The following PTPRU variants were observed in gnomAD, a reference collection of about 807,000 sequenced individuals.
PTPRU encodes the protein protein tyrosine phosphatase receptor type U.
In PTPRU, 69 loss-of-function variants were observed where a neutral mutation model predicts 166.3. The ratio of observed to expected loss-of-function variants is 0.41; its 90% CI spans 0.34 to 0.51. The LOEUF (loss-of-function observed/expected upper bound fraction) is 0.51. PTPRU is among the 20% of genes least tolerant of loss of function. The pLI, the probability that PTPRU is intolerant of heterozygous loss-of-function variation, is 0.09. For synonymous variants in PTPRU, 793 were observed against 814.0 expected, an observed-to-expected ratio of 0.97 and a Z score of 0.44; for missense variants, 1,657 against 2,013.7, an observed-to-expected ratio of 0.82 and a Z score of 3.39.
intron 8 of PTPRU, among the ~76,000 whole-genome samples, chr1:29,277,800 A>ATTTTT (rs1478190246): frequency 9.4e-4 from 39 of 41,642 alleles, no homozygotes; most frequent in Non-Finnish European, 1.2e-3. Flanking sequence ...CACAGTTGTC[A>ATTTTT]TTCTTTTTTT....
chr1:29,278,841 C>G (rs1685931437), intron 8 of PTPRU, among the ~76,000 whole-genome samples, 171 bp from the exon 9 acceptor site: 1 of 152,230 alleles, frequency 6.6e-6, no homozygotes, highest in African/African-American at 2.4e-5. Context: ...CATTTGAGTC[C>G]TGGCTTGAGA....
At chr1:29,240,214 T>C (rs1313536464) in intron 1 of PTPRU, among the ~76,000 whole-genome samples, 1 of 151,214 alleles carries the variant, frequency 6.6e-6, no homozygotes, top group Non-Finnish European at 1.5e-5. Context: ...TGATGCCCTG[T>C]CCTAGCCTAG....
chr1:29,315,555 A>C lies in PTPRU; in HGVS notation c.3363+48A>C, dbSNP rs781647293. On this transcript the variant is annotated intron_variant, in intron 23 of 29. Transcript: ENST00000373779. This position sits in a 1 kb window ranked among gnomAD's most constrained non-coding sequence, Gnocchi z 4.5. Reference sequence around the variant, plus strand: ...CCACCATTATTACTTCTAGGACTGGAGTTTCTCGTGAAGGATCCTGGAGCC... The same window carrying C: ...CCACCATTATTACTTCTAGGACTGGCGTTTCTCGTGAAGGATCCTGGAGCC... 3.7e-6 allele frequency: 6 copies of C among 1,610,626 alleles called. No individual in the cohort carries two copies. Among genetic ancestry groups the C allele is most frequent in the Non-Finnish European group, 5.1e-6 (6 of 1,177,670 alleles).
intron 26 of PTPRU, among the ~76,000 whole-genome samples, chr1:29,322,051 C>T (rs532496034): frequency 1.3e-5 from 2 of 152,344 alleles, no homozygotes; most frequent in African/African-American, 4.8e-5. Flanking sequence ...TTCTTAATGG[C>T]CTCCTTGAGA....
chr1:29,305,245 T>C (rs1032841839), intron 17 of PTPRU, 107 bp from the exon 18 acceptor site: 4 of 1,082,776 alleles, frequency 3.7e-6, no homozygotes, highest in Non-Finnish European at 5.6e-6. Context: ...CTAGGTTCCC[T>C]GGCTGCCCTG....
intron 22 of PTPRU, among the ~76,000 whole-genome samples, chr1:29,314,122 A>G (rs907171234): frequency 6.6e-6 from 1 of 152,204 alleles, no homozygotes; most frequent in Admixed American, 6.5e-5. Flanking sequence ...CATCAAGTGA[A>G]TAAATGACAG....
chr1:29,259,457 C>T lies in PTPRU; in HGVS notation c.568C>T (p.Pro190Ser), dbSNP rs1291493083. The change falls in exon 5 of 30, where the codon CCA becomes TCA. Residue 190 changes from proline to serine, a missense_variant. Physicochemically the swap from Pro to Ser is moderately conservative, Grantham distance 74. Around this residue, in one of 3 missense-constraint regions of PTPRU, gnomAD observed 453 missense variants for 496.9 expected, o/e 0.91. Coordinates refer to ENST00000373779, the MANE Select transcript of PTPRU (RefSeq NM_133178.4). ...LLLSYPCAKAPHFSRLGDVEV... is the reference protein window; with the variant it reads ...LLLSYPCAKASHFSRLGDVEV... The stretch of plus-strand genomic sequence containing the variant: ...CAGCTCTAACCCCGCAGCAAAGGCC[C>T]CACACTTCTCCCGCCTGGGCGACGT... 1.1e-5 allele frequency: 18 copies of T among 1,611,438 alleles called. No homozygotes were observed. In the South Asian group the frequency reaches 1.9e-4, roughly 17 times the overall value.
intron 7 of PTPRU, among the ~76,000 whole-genome samples, chr1:29,273,198 A>ATG (rs1685646143): frequency 6.6e-6 from 1 of 152,230 alleles, no homozygotes; most frequent in Non-Finnish European, 1.5e-5. Context: ...CAGCTGGTCA[A>ATG]TGCAGATGCA....
rs747140772 is a variant in PTPRU, at chr1:29,259,332, C to T, written c.549C>T (p.Ser183=). The change falls in exon 4 of 30, where the codon AGC becomes AGT. Residue 183 remains serine, a synonymous_variant. Transcript: ENST00000373779. ...YMGLDDILLL[S]YPCAKAPHFS... ...GCCTAGATGACATCCTGCTTCTCAG[C>T]TACCCCTGCGGTGAGTCCCAGCCCA... is the stretch of plus-strand genomic sequence containing the variant. 4.3e-6 allele frequency: 7 copies of T among 1,613,916 alleles called. No homozygotes were observed. The highest frequency in any genetic ancestry group is 5.9e-6 in the Non-Finnish European group (7 of 1,179,954).
chr1:29,291,183 G>A lies in PTPRU; in HGVS notation c.2319-686G>A, dbSNP rs1686611531. 2.0e-5 allele frequency among the ~76,000 whole-genome samples: 3 copies of A among 152,056 alleles called. 1 individual carries two copies. The South Asian group carries it at 6.2e-4, about 32-fold the overall frequency. Reference sequence around the variant, plus strand: ...TCCCTGCTGCTCTGAGCAGCAGGACGGACTGGTGGGCAGTGGTGGGAATCT... The same window carrying A: ...TCCCTGCTGCTCTGAGCAGCAGGACAGACTGGTGGGCAGTGGTGGGAATCT... On this transcript the variant is annotated intron_variant, in intron 14 of 29. Transcript: ENST00000373779. The surrounding 1 kb of genome is among the most constrained non-coding windows in gnomAD (Gnocchi z 4.1).
chr1:29,274,653 A>C (rs988870625), intron 7 of PTPRU, among the ~76,000 whole-genome samples: 1 of 152,202 alleles, frequency 6.6e-6, no homozygotes, highest in Non-Finnish European at 1.5e-5. Context: ...TTTCAGAACA[A>C]GTTTGGAATT....
rs758786587 is a variant in PTPRU at position 29,275,583 on chromosome 1, T to C, written c.1280T>C (p.Leu427Pro). The C allele has an allele frequency of 1.9e-6, 3 of 1,613,808 alleles. No individual in the cohort carries two copies. The highest frequency in any genetic ancestry group is 1.7e-6 in the Non-Finnish European group (2 of 1,179,942). The change falls in exon 8 of 30, where the codon CTG becomes CCG. Residue 427 changes from leucine to proline, a missense_variant. Leu to Pro is a moderately conservative substitution (Grantham distance 98). Coordinates refer to ENST00000373779, the MANE Select transcript of PTPRU (RefSeq NM_133178.4). ...YTVSLCYHYTLGSSHNQTIRE... is the reference protein window; with the variant it reads ...YTVSLCYHYTPGSSHNQTIRE... ...GTGTCGCTGTGCTATCACTACACCCTGGGCAGCAGCCACAACCAGACCATC... is the reference window on the plus strand; with the variant it reads ...GTGTCGCTGTGCTATCACTACACCCCGGGCAGCAGCCACAACCAGACCATC...
chr1:29,263,811 G>A (rs1685173057), intron 7 of PTPRU, among the ~76,000 whole-genome samples: 1 of 152,106 alleles, frequency 6.6e-6, no homozygotes, highest in Non-Finnish European at 1.5e-5. Flanking sequence ...TGTCTTCAGA[G>A]TGTTAAAAAT....
At chr1:29,262,261 C>T (rs566816843) in intron 7 of PTPRU, among the ~76,000 whole-genome samples, 6 of 152,322 alleles carry the variant, frequency 3.9e-5, no homozygotes, top group Non-Finnish European at 8.8e-5. Context: ...TGAATGAAAT[C>T]AGAGTATATA....
chr1:29,260,736 T>C lies in PTPRU; in HGVS notation c.977T>C (p.Met326Thr), dbSNP rs1367530117. 5.6e-6 allele frequency: 9 copies of C among 1,610,428 alleles called. No homozygotes were observed. The South Asian group carries it at 9.9e-5, about 18-fold the overall frequency. The change falls in exon 7 of 30, where the codon ATG (methionine) becomes ACG (threonine). Residue 326 changes from methionine to threonine, a missense_variant. This residue lies in a region of PTPRU where 453 missense variants were observed against 496.9 expected (regional missense o/e 0.91). Coordinates refer to ENST00000373779, the MANE Select transcript of PTPRU (RefSeq NM_133178.4). The surrounding 1 kb of genome is among the most constrained non-coding windows in gnomAD (Gnocchi z 8.3). ...GTGCGCAAGGAGATTGAGTACCGCATGGCGCGCGGGCCCTGGGCTGAGGTG... is the reference window on the plus strand; with the variant it reads ...GTGCGCAAGGAGATTGAGTACCGCACGGCGCGCGGGCCCTGGGCTGAGGTG... ...PIVRKEIEYR[M>T]ARGPWAEVHA...
intron 18 of PTPRU, chr1:29,307,291 C>CCATTTCAG (rs1687437250): frequency 8.7e-7 from 1 of 1,152,644 alleles, no homozygotes; most frequent in Non-Finnish European, 1.3e-6. Context: ...CACCAACCGT[C>CCATTTCAG]CATTTCAGCA....
rs1250788761 is a variant in PTPRU, at chr1:29,311,801, G to A, written c.3072+42G>A. The A allele has an allele frequency of 1.5e-5, 23 of 1,577,138 alleles. No homozygotes were observed. Among genetic ancestry groups the A allele is most frequent in the Non-Finnish European group, 2.0e-5 (23 of 1,151,194 alleles). ...CCTGTTCCCTGCAGAGGGTGCCTGA[G>A]CAGGGATTAGAGCCCACTCCCACTT... On this transcript the variant is annotated intron_variant, in intron 21 of 29. Transcript: ENST00000373779. This position sits in a 1 kb window ranked among gnomAD's most constrained non-coding sequence, Gnocchi z 4.1.
chr1:29,250,025 A>C (rs1684480003), intron 1 of PTPRU, among the ~76,000 whole-genome samples: 1 of 148,604 alleles, frequency 6.7e-6, no homozygotes, highest in South Asian at 2.2e-4. Flanking sequence ...GTGTTTATTG[A>C]CCACCTTGCT....
Position 29,323,357 on chromosome 1 carries a change from G to T in PTPRU, c.3829-14G>T, listed in dbSNP as rs776630726. On this transcript the variant is annotated splice_polypyrimidine_tract_variant and intron_variant, in intron 26 of 29. Coordinates refer to ENST00000373779, the MANE Select transcript of PTPRU (RefSeq NM_133178.4). ...GGCTCTACTCAGCTCTCCCCTCTCCGTGCTTATGCCCAGCCCTGCCTGCAG... is the reference window on the plus strand; with the variant it reads ...GGCTCTACTCAGCTCTCCCCTCTCCTTGCTTATGCCCAGCCCTGCCTGCAG... 1 of 1,603,220 alleles carries T rather than the reference G, an allele frequency of 6.2e-7. No homozygotes were observed. Among genetic ancestry groups the T allele is most frequent in the African/African-American group, 1.3e-5 (1 of 74,768 alleles).
Sources: gnomAD v4.1 joint callset for allele counts (sites outside exome capture counted in the v4.1 genomes callset) on GRCh38, gnomAD v4.1.1 for gene constraint, gnomAD v4.1.1 regional missense constraint, Gnocchi (gnomAD v3.1) non-coding constraint, MANE v1.5 for transcripts, NCBI Gene and HGNC (gene_info 2026-07-23, HGNC 2026-07-21) for gene names.